Variants in B3GALNT2 observed in about 807,000 individuals in gnomAD.
The protein encoded by B3GALNT2 is beta-1,3-N-acetylgalactosaminyltransferase 2.
B3GALNT2 carries 53 observed loss-of-function variants against 61.1 expected under a neutral mutation model. That is an observed-to-expected ratio of 0.87 (90% CI 0.70 to 1.09). The LOEUF (loss-of-function observed/expected upper bound fraction) is 1.09, where lower values mean the gene tolerates loss of function less well. Ranked by LOEUF, B3GALNT2 falls within the 50% of genes least tolerant of loss-of-function variation. B3GALNT2 has a pLI of 0.00. For synonymous variants in B3GALNT2, 223 were observed against 237.4 expected, an observed-to-expected ratio of 0.94 and a Z score of 0.56; for missense variants, 544 against 623.0, an observed-to-expected ratio of 0.87 and a Z score of 1.35.
Position 235,448,220 on chromosome 1 carries a change from C to CAAAAAA in B3GALNT2, c.*1980_*1985dup, listed in dbSNP as rs59405398. On this transcript the variant is annotated 3_prime_UTR_variant, in exon 12 of 12. Transcript: ENST00000366600. ...CTTAAGTAAGTAAGTAAGTCAGTCT[C>CAAAAAA]AAAAAAAAAAAAAAAAAAAAGACAG... 6.6e-5 allele frequency: 35 copies of CAAAAAA among 530,984 alleles called. No homozygotes were observed. Among genetic ancestry groups the CAAAAAA allele is most frequent in the African/African-American group, 2.2e-4 (7 of 32,162 alleles). The allele number at this position is 530,984 out of a possible 1,614,324, so 32.9% of individuals were successfully genotyped here.
At chr1:235,473,947 G>C (rs1015570777) in intron 5 of B3GALNT2, among the ~76,000 whole-genome samples, 1 of 152,160 alleles carries the variant, frequency 6.6e-6, no homozygotes, top group Non-Finnish European at 1.5e-5. Flanking sequence ...CATTTTGTCT[G>C]TGACTAGGCT....
chr1:235,479,112 T>C (rs1012183421), intron 5 of B3GALNT2: 2 of 152,240 alleles, frequency 1.3e-5, no homozygotes, highest in African/African-American at 2.4e-5. Flanking sequence ...CAACTACTTG[T>C]ACTCAATTCC....
Position 235,450,023 on chromosome 1 carries a change from T to G in B3GALNT2, c.*183A>C. On this transcript the variant is annotated 3_prime_UTR_variant, in exon 12 of 12. Transcript: ENST00000366600. ...AACTTTTCTTATGCTACAGTACAAG[T>G]TGATTTTTAAGGAAATTTGTGCAAA... The G allele has an allele frequency of 4.9e-6, 3 of 618,366 alleles. No homozygotes were observed. The South Asian group carries it at 8.9e-5, about 18-fold the overall frequency. 38.3% of individuals were successfully genotyped at this position (618,366 alleles called of 1,614,324 possible).
chr1:235,478,878 C>T (rs1231619202), intron 5 of B3GALNT2: 1 of 152,176 alleles, frequency 6.6e-6, no homozygotes, highest in Non-Finnish European at 1.5e-5. Context: ...TCTTGTTTTC[C>T]TTTAGCATAT....
intron 3 of B3GALNT2, 28 bp downstream of exon 3, chr1:235,489,140 A>C: frequency 6.2e-7 from 1 of 1,612,556 alleles, no homozygotes; most frequent in Non-Finnish European, 8.5e-7. Context: ...AAGCTTGTGT[A>C]TGGCAGTCAA....
intron 6 of B3GALNT2, among the ~76,000 whole-genome samples, chr1:235,466,447 T>G (rs2102805646): frequency 6.6e-6 from 1 of 152,238 alleles, no homozygotes; most frequent in South Asian, 2.1e-4. Context: ...ATTCTAGCCT[T>G]GAACATACAA....
chr1:235,448,244 A>AGATACAGCTATCATT lies in B3GALNT2; in HGVS notation c.*1947_*1961dup. 3 of 811,692 alleles carry AGATACAGCTATCATT rather than the reference A, an allele frequency of 3.7e-6. No homozygotes were observed. The highest frequency in any genetic ancestry group is 4.2e-6 in the Non-Finnish European group (2 of 480,980). 50.3% of individuals were successfully genotyped at this position (811,692 alleles called of 1,614,324 possible). A position where few individuals can be genotyped will look rare whatever the true frequency, so the allele number is the denominator to read the frequency against. On this transcript the variant is annotated 3_prime_UTR_variant, in exon 12 of 12. Transcript: ENST00000366600. ...TCAAAAAAAAAAAAAAAAAAAAGACAGATACAGCTATCATTGCAATGATAC... is the reference window on the plus strand; with the variant it reads ...TCAAAAAAAAAAAAAAAAAAAAGACAGATACAGCTATCATTGATACAGCTATCATTGCAATGATAC...
intron 1 of B3GALNT2, among the ~76,000 whole-genome samples, chr1:235,498,914 TAC>T (rs1251402548): frequency 1.3e-5 from 2 of 148,344 alleles, no homozygotes; most frequent in African/African-American, 4.9e-5. Context: ...TGTAATTTGG[TAC>T]AGTCTTCTGC....
At chr1:235,490,485 C>A (rs1345387784) in intron 2 of B3GALNT2, among the ~76,000 whole-genome samples, 4 of 152,124 alleles carry the variant, frequency 2.6e-5, no homozygotes, top group Non-Finnish European at 4.4e-5. Flanking sequence ...CCTGCCTTGG[C>A]CTCCCAAAGT....
intron 3 of B3GALNT2, among the ~76,000 whole-genome samples, chr1:235,487,110 G>A (rs1025650248): frequency 2.7e-5 from 4 of 150,510 alleles, no homozygotes; most frequent in Admixed American, 1.3e-4. Flanking sequence ...GCAGTGAGCC[G>A]AGATCGCGCC....
At chr1:235,465,138 T>A (rs1472717686) in intron 7 of B3GALNT2, 3 of 152,444 alleles carry the variant, frequency 2.0e-5, no homozygotes, top group Non-Finnish European at 4.4e-5. Context: ...TACAGAATTA[T>A]TCATATTCAA....
At chr1:235,470,818 A>G (rs1683959694) in intron 6 of B3GALNT2, 32 bp downstream of exon 6, 1 of 1,598,632 alleles carries the variant, frequency 6.3e-7, no homozygotes, top group Non-Finnish European at 8.5e-7. Flanking sequence ...AAGCTAAAAT[A>G]TGCAATTAAA....
intron 1 of B3GALNT2, among the ~76,000 whole-genome samples, chr1:235,501,760 A>G (rs1685591627): frequency 1.3e-5 from 2 of 152,288 alleles, no homozygotes; most frequent in South Asian, 2.1e-4. Flanking sequence ...GCAGAAGAGA[A>G]AAAAAAATAC....
intron 7 of B3GALNT2, among the ~76,000 whole-genome samples, chr1:235,459,571 T>A (rs139220963): frequency 6.6e-6 from 1 of 152,228 alleles, no homozygotes; most frequent in African/African-American, 2.4e-5. Context: ...TGCAGTGAGC[T>A]ATGATTACAC....
intron 5 of B3GALNT2, among the ~76,000 whole-genome samples, chr1:235,476,648 G>C (rs1684294359): frequency 6.6e-6 from 1 of 151,902 alleles, no homozygotes; most frequent in African/African-American, 2.4e-5. Flanking sequence ...TCAGGAGTTC[G>C]AGACCAGCCT....
At chr1:235,485,499 G>T (rs1358815994) in intron 3 of B3GALNT2, among the ~76,000 whole-genome samples, 3 of 151,832 alleles carry the variant, frequency 2.0e-5, no homozygotes, top group East Asian at 3.9e-4. Context: ...AGAGATGGGG[G>T]TCTCATCATG....
intron 3 of B3GALNT2, among the ~76,000 whole-genome samples, chr1:235,488,120 A>G (rs950538430): frequency 6.6e-6 from 1 of 152,148 alleles, no homozygotes; most frequent in Non-Finnish European, 1.5e-5. Flanking sequence ...TGTGTCTTAC[A>G]TTTTTTACTA....
chr1:235,477,126 C>A (rs561955856), intron 5 of B3GALNT2, among the ~76,000 whole-genome samples: 1 of 152,068 alleles, frequency 6.6e-6, no homozygotes, highest in Non-Finnish European at 1.5e-5. Flanking sequence ...ATCATTAGTA[C>A]CCACTGCCAG....
intron 1 of B3GALNT2, among the ~76,000 whole-genome samples, chr1:235,499,550 G>A (rs1463388712): frequency 6.6e-6 from 1 of 152,156 alleles, no homozygotes; most frequent in Non-Finnish European, 1.5e-5. Flanking sequence ...AGCTCCCTGA[G>A]GGCAACGTAA....
Sources: gnomAD v4.1 joint callset for allele counts (sites outside exome capture counted in the v4.1 genomes callset) on GRCh38, gnomAD v4.1.1 for gene constraint, MANE v1.5 for transcripts, NCBI Gene and HGNC (gene_info 2026-07-23, HGNC 2026-07-21) for gene names.